IGBP1C: variants seen among roughly 807,000 people sequenced by gnomAD.
The protein encoded by IGBP1C is IGBP1 family member C.
the IGBP1C span, among the ~76,000 whole-genome samples, chr17:58,686,164 T>C: frequency 6.6e-6 from 1 of 151,924 alleles, no homozygotes. Flanking sequence ...GGCAACACCT[T>C]GTCTTTACAA....
chr17:58,669,733 CA>C, the IGBP1C span, among the ~76,000 whole-genome samples: 8,521 of 56,042 alleles, frequency 0.15, 168 homozygotes, highest in South Asian at 0.3. Context: ...GACTCCGTCT[CA>C]AAAAAAAAAA....
chr17:58,675,846 C>T, the IGBP1C span, among the ~76,000 whole-genome samples: 5 of 152,304 alleles, frequency 3.3e-5, no homozygotes, highest in South Asian at 1.0e-3. Flanking sequence ...TCGCCTGGGC[C>T]TCCAAAGGTA....
chr17:58,674,779 A>C, the IGBP1C span, among the ~76,000 whole-genome samples: 22 of 151,804 alleles, frequency 1.4e-4, no homozygotes, highest in African/African-American at 5.3e-4. Flanking sequence ...ATAGTATGTC[A>C]ATTATCCTTC....
the IGBP1C span, among the ~76,000 whole-genome samples, chr17:58,685,296 TGTG>T: frequency 6.6e-6 from 1 of 151,490 alleles, no homozygotes; most frequent in Non-Finnish European, 1.5e-5. Context: ...ATTAGCTGAG[TGTG>T]GTGGTGCACA....
At chr17:58,689,427 G>A in the IGBP1C span, among the ~76,000 whole-genome samples, 19 of 151,600 alleles carry the variant, frequency 1.3e-4, no homozygotes, top group African/African-American at 3.6e-4. Context: ...CGTCATGTTG[G>A]CCAGGATGGT....
At chr17:58,673,488 TAA>T in the IGBP1C span, among the ~76,000 whole-genome samples, 1 of 126,886 alleles carries the variant, frequency 7.9e-6, no homozygotes, top group African/African-American at 3.3e-5. Flanking sequence ...ATCTCAAAAA[TAA>T]ATAAATAAAT....
At chr17:58,663,969 G>A in the IGBP1C span, among the ~76,000 whole-genome samples, 1 of 152,108 alleles carries the variant, frequency 6.6e-6, no homozygotes, top group Non-Finnish European at 1.5e-5. Flanking sequence ...CCTGAGTTTG[G>A]GAAGGTGGAG....
the IGBP1C span, among the ~76,000 whole-genome samples, chr17:58,685,505 A>G: frequency 2.6e-5 from 4 of 151,866 alleles, no homozygotes; most frequent in East Asian, 7.7e-4. Flanking sequence ...AGGGAGAGGT[A>G]ATATTATAGA....
At chr17:58,665,583 G>A in the IGBP1C span, among the ~76,000 whole-genome samples, 1 of 151,674 alleles carries the variant, frequency 6.6e-6, no homozygotes, top group Non-Finnish European at 1.5e-5. Context: ...GCAACAGGGT[G>A]AGACTCTGTC....
chr17:58,666,208 TG>T, the IGBP1C span, among the ~76,000 whole-genome samples: 3 of 151,720 alleles, frequency 2.0e-5, no homozygotes, highest in Admixed American at 1.3e-4. Flanking sequence ...CCAGGCATGG[TG>T]GTGCATGCCT....
the IGBP1C span, among the ~76,000 whole-genome samples, chr17:58,666,850 T>G: frequency 6.6e-6 from 1 of 152,220 alleles, no homozygotes; most frequent in African/African-American, 2.4e-5. Context: ...GTAACAGAGT[T>G]GTGCAAATCC....
the IGBP1C span, among the ~76,000 whole-genome samples, chr17:58,678,695 G>GTA: frequency 1.3e-5 from 2 of 151,814 alleles, no homozygotes; most frequent in Non-Finnish European, 2.9e-5. Context: ...AAACGGGGAG[G>GTA]GATAGCATTA....
At chr17:58,664,317 C>T in the IGBP1C span, among the ~76,000 whole-genome samples, 1 of 152,188 alleles carries the variant, frequency 6.6e-6, no homozygotes. Context: ...CCCCTCATGG[C>T]TCTGATATCA....
At chr17:58,678,649 G>A in the IGBP1C span, among the ~76,000 whole-genome samples, 1 of 151,908 alleles carries the variant, frequency 6.6e-6, no homozygotes, top group Non-Finnish European at 1.5e-5. Flanking sequence ...ACGGGGTGGG[G>A]AACATCATAC....
the IGBP1C span, among the ~76,000 whole-genome samples, chr17:58,681,240 C>T: frequency 8.5e-3 from 1,299 of 152,172 alleles, 19 homozygotes; most frequent in African/African-American, 0.029. Flanking sequence ...GCCTGAGCAA[C>T]AAGATCGAAA....
chr17:58,684,291 A>C, the IGBP1C span, among the ~76,000 whole-genome samples: 2 of 151,670 alleles, frequency 1.3e-5, no homozygotes, highest in Non-Finnish European at 2.9e-5. Flanking sequence ...ATGAAACCCC[A>C]TCTCTACTAA....
At chr17:58,660,467 CT>C in the IGBP1C span, 11 of 601,738 alleles carry the variant, frequency 1.8e-5, no homozygotes, top group African/African-American at 2.0e-4. Context: ...CATTAAGCAT[CT>C]TTGCCTTCGT....
the IGBP1C span, among the ~76,000 whole-genome samples, chr17:58,662,668 C>T: frequency 6.6e-6 from 1 of 152,140 alleles, no homozygotes; most frequent in African/African-American, 2.4e-5. Context: ...GTTTGTGAGT[C>T]TCACCTCATC....
At chr17:58,691,919 TG>T in the IGBP1C span, 3 of 152,418 alleles carry the variant, frequency 2.0e-5, no homozygotes, top group Non-Finnish European at 2.9e-5. Context: ...GACACACTAA[TG>T]GGGACATTAG....
Sources: gnomAD v4.1 joint callset for allele counts (sites outside exome capture counted in the v4.1 genomes callset) on GRCh38, gnomAD v4.1.1 for gene constraint, MANE v1.5 for transcripts, NCBI Gene and HGNC (gene_info 2026-07-23, HGNC 2026-07-21) for gene names.